KDM6B: variants seen among roughly 807,000 people sequenced by gnomAD.
KDM6B encodes the protein lysine demethylase 6B.
KDM6B carries 22 observed loss-of-function variants against 150.4 expected under a neutral mutation model. The ratio of observed to expected loss-of-function variants is 0.15; its 90% confidence interval spans 0.10 to 0.21. The LOEUF (loss-of-function observed/expected upper bound fraction) is 0.21. Ranked by LOEUF, KDM6B falls within the 10% of genes least tolerant of loss-of-function variation. The probability of loss-of-function intolerance (pLI) is 1.00; values close to 1 mark genes in which losing one functional copy is unlikely to be tolerated. For missense variants in KDM6B, 1,984 were observed against 2,234.3 expected (o/e 0.89, Z 2.26); for synonymous variants, 1,148 against 921.1 (o/e 1.25, Z -4.46).
chr17:7,849,050 G>T lies in KDM6B; in HGVS notation c.2762G>T (p.Cys921Phe), dbSNP rs915864276. The T allele has an allele frequency of 3.1e-6, 5 of 1,610,280 alleles. No individual in the cohort carries two copies. The African/African-American group carries it at 6.7e-5, about 22-fold the overall frequency. Residue 921 changes from cysteine (C) to phenylalanine (F), a missense_variant, in exon 12 of 24, where the codon TGC (cysteine) becomes TTC (phenylalanine). Cys to Phe is a radical substitution (Grantham distance 205). Coordinates refer to ENST00000448097, the MANE Select transcript of KDM6B (RefSeq NM_001348716.2). ...SEVLEEISRA[C>F]ETLVERVGRS... Reference sequence around the variant, plus strand: ...GTGCTAGAAGAGATCAGCCGGGCTTGCGAGACCCTTGTGGAGCGGGTGGGC... The same window carrying T: ...GTGCTAGAAGAGATCAGCCGGGCTTTCGAGACCCTTGTGGAGCGGGTGGGC...
intron 1 of KDM6B, among the ~76,000 whole-genome samples, chr17:7,838,847 C>T (rs1300440168): frequency 6.6e-6 from 1 of 152,106 alleles, no homozygotes; most frequent in Non-Finnish European, 1.5e-5. Flanking sequence ...CTACCACCTA[C>T]AGCTGACCAC....
chr17:7,852,523 A>T lies in KDM6B; in HGVS notation c.4497A>T (p.Arg1499=), dbSNP rs769586492. 1.9e-6 allele frequency: 3 copies of T among 1,614,164 alleles called. No homozygotes were observed. The South Asian group carries it at 3.3e-5, about 18-fold the overall frequency. The change falls in exon 21 of 24, where the codon CGA becomes CGT. Residue 1499 remains arginine (R), a synonymous_variant. Transcript: ENST00000448097. ...ATCAGTACCAGCTGGCCCTGGAACG[A>T]TACGAGTGGAATGAGGTGAAGAACG... ...TAYQYQLALE[R]YEWNEVKNVK... is the part of the protein sequence containing the mutation.
intron 18 of KDM6B, 55 bp downstream of exon 18, chr17:7,851,851 GGCGGCGCTCA>G: frequency 6.4e-7 from 1 of 1,566,674 alleles, no homozygotes; most frequent in Non-Finnish European, 8.6e-7. Flanking sequence ...AGGGGCTGGC[GGCGGCGCTCA>G]GCCGTCAGCC....
At chr17:7,851,902 T>TC in intron 18 of KDM6B, 49 bp from the exon 19 acceptor site, 1 of 1,605,444 alleles carries the variant, frequency 6.2e-7, no homozygotes. Context: ...CTATCGGGGA[T>TC]CGCAGTTCCG....
chr17:7,847,479 G>A, intron 11 of KDM6B, 27 bp downstream of exon 11: 2 of 1,613,522 alleles, frequency 1.2e-6, no homozygotes, highest in Non-Finnish European at 1.7e-6. Flanking sequence ...GGTGGAGGGG[G>A]GGATGGGTGG....
At position 7,846,463 on chromosome 17, in the gene KDM6B, G is replaced by A. The variant is rs768365836; in HGVS notation, c.520G>A (p.Glu174Lys). Residue 174 changes from glutamate to lysine, a missense_variant, in exon 8 of 24, where the codon GAG becomes AAG. By Grantham distance (56) the Glu-to-Lys change is moderately conservative. Coordinates refer to ENST00000448097, the MANE Select transcript of KDM6B (RefSeq NM_001348716.2). ...QHRAKVLPPL[E>K]QVWNLLHLEH... The stretch of plus-strand genomic sequence containing the variant: ...CCGAGCCAAGGTCCTGCCCCCACTG[G>A]AGCAAGTGTGGAACTTGCTACACCT... 6.2e-7 allele frequency: 1 copy of A among 1,608,586 alleles called. No homozygotes were observed. The highest frequency in any genetic ancestry group is 1.1e-5 in the South Asian group (1 of 90,862).
rs762676061 is a variant in KDM6B at position 7,851,339 on chromosome 17, G to A, written c.3889G>A (p.Glu1297Lys). ...CCCTCTGGCTGAACAGGAGGAGAAG[G>A]AGAGTGAGGATGAGGAGTCAGAGGA... Reference protein sequence around the residue: ...SFQESLQEEKESEDEESEEPD... With the variant: ...SFQESLQEEKKSEDEESEEPD... The change falls in exon 16 of 24, where the codon GAG becomes AAG. Residue 1297 changes from glutamate (E) to lysine (K), a missense_variant. By Grantham distance (56) the Glu-to-Lys change is moderately conservative. Coordinates refer to ENST00000448097, the MANE Select transcript of KDM6B (RefSeq NM_001348716.2). 1.1e-5 allele frequency: 18 copies of A among 1,614,132 alleles called. No homozygotes were observed. Among genetic ancestry groups the A allele is most frequent in the Non-Finnish European group, 1.4e-5 (17 of 1,180,024 alleles).
chr17:7,846,031 C>A, intron 6 of KDM6B, 47 bp from the exon 7 acceptor site: 1 of 1,583,494 alleles, frequency 6.3e-7, no homozygotes, highest in South Asian at 1.1e-5. Context: ...GAAAGAGTCC[C>A]CTCAAGCCCA....
Position 7,848,565 on chromosome 17 carries a change from C to G in KDM6B, c.2277C>G (p.Thr759=). 1 of 1,607,302 alleles carries G rather than the reference C, an allele frequency of 6.2e-7. No individual in the cohort carries two copies. The highest frequency in any genetic ancestry group is 8.5e-7 in the Non-Finnish European group (1 of 1,177,626). The change falls in exon 12 of 24, where the codon ACC becomes ACG. Residue 759 remains threonine (T), a synonymous_variant. Transcript: ENST00000448097. ...VAVTTTTTTT[T]TTTATQEEEK... ...TCACCACCACCACCACCACCACCAC[C>G]ACCACCACGGCCACCCAGGAAGAGG...
In KDM6B at chr17:7,849,011, G is replaced by T; in HGVS notation, c.2723G>T (p.Arg908Leu). 1 of 1,538,534 alleles carries T rather than the reference G, an allele frequency of 6.5e-7. No homozygotes were observed. The highest frequency in any genetic ancestry group is 8.9e-7 in the Non-Finnish European group (1 of 1,129,608). ...PPPPLSLPPA[R>L]SESEVLEEIS... ...CCACCCCTATCTCTGCCCCCTGCTC[G>T]CTCTGAGTCTGAGGTGCTAGAAGAG... Residue 908 changes from arginine to leucine, a missense_variant, in exon 12 of 24, where the codon CGC becomes CTC. This residue lies in a region of KDM6B where 1,379 missense variants were observed against 1,275.6 expected (regional missense o/e 1.08). Coordinates refer to ENST00000448097, the MANE Select transcript of KDM6B (RefSeq NM_001348716.2).
At position 7,834,237 on chromosome 17, in the gene KDM6B, C is replaced by T. The variant is rs1338577912; in HGVS notation, c.-501C>T. Among the ~76,000 whole-genome samples the T allele has an allele frequency of 6.6e-6, 1 of 151,228 alleles. No individual in the cohort carries two copies. Among genetic ancestry groups the T allele is most frequent in the Non-Finnish European group, 1.5e-5 (1 of 67,718 alleles). On this transcript the variant is annotated 5_prime_UTR_variant, in exon 1 of 24. Coordinates refer to ENST00000448097, the MANE Select transcript of KDM6B (RefSeq NM_001348716.2). ...CGGGTGTTTGTGTTGGAAAATCCAA[C>T]TGCGCCACTGGGCGGAGCGGCCCCC... is the stretch of plus-strand genomic sequence containing the variant.
In KDM6B at chr17:7,847,695, TCCA is replaced by T; in HGVS notation, c.1410_1412del (p.Pro472del). On this transcript the variant is annotated inframe_deletion, in exon 12 of 24. Transcript: ENST00000448097. The stretch of plus-strand genomic sequence containing the variant: ...TGCCACCTGGACCTTCCTCACCCCC[TCCA>T]CCCCCCTGTCCCCGCCTCTTACGCC... 1 of 866,790 alleles carries T rather than the reference TCCA, an allele frequency of 1.2e-6. No individual in the cohort carries two copies. The highest frequency in any genetic ancestry group is 2.2e-5 in the South Asian group (1 of 44,838). The allele number at this position is 866,790 out of a possible 1,614,324, so 53.7% of individuals were successfully genotyped here. A position where few individuals can be genotyped will look rare whatever the true frequency, so the allele number is the denominator to read the frequency against.
At position 7,848,863 on chromosome 17, in the gene KDM6B, G is replaced by T. The variant is rs1483919558; in HGVS notation, c.2575G>T (p.Gly859Cys). The T allele has an allele frequency of 6.2e-7, 1 of 1,610,988 alleles. No individual in the cohort carries two copies. Among genetic ancestry groups the T allele is most frequent in the Non-Finnish European group, 8.5e-7 (1 of 1,178,946 alleles). Reference protein sequence around the residue: ...PPTSAAPSAQGSPQPSASSSS... With the variant: ...PPTSAAPSAQCSPQPSASSSS... ...CACCTCAGCGGCCCCTAGCGCCCAG[G>T]GCTCCCCACAGCCCTCTGCTTCCTC... Residue 859 changes from glycine to cysteine, a missense_variant, in exon 12 of 24, where the codon GGC becomes TGC. Gly to Cys is a radical substitution (Grantham distance 159). Around this residue, in one of 13 missense-constraint regions of KDM6B, gnomAD observed 1,379 missense variants for 1,275.6 expected, o/e 1.08. Coordinates refer to ENST00000448097, the MANE Select transcript of KDM6B (RefSeq NM_001348716.2).
Position 7,848,418 on chromosome 17 carries a change from G to A in KDM6B, c.2130G>A (p.Glu710=), listed in dbSNP as rs1221522239. Residue 710 remains glutamate, a synonymous_variant, in exon 12 of 24, where the codon GAG becomes GAA. Transcript: ENST00000448097. ...KMLDESIRKE[E]EQQQHEAGVA... is the part of the protein sequence containing the mutation. ...TGGACGAATCCATTCGCAAGGAAGA[G>A]GAACAGCAACAACACGAAGCAGGCG... 2 of 1,613,090 alleles carry A rather than the reference G, an allele frequency of 1.2e-6. No individual in the cohort carries two copies. Among genetic ancestry groups the A allele is most frequent in the East Asian group, 2.2e-5 (1 of 44,874 alleles).
chr17:7,845,355 G>A lies in KDM6B; in HGVS notation c.-107G>A, dbSNP rs1358287860. The stretch of plus-strand genomic sequence containing the variant: ...ACTGAGGCAGCCATCTGGGGGTAGC[G>A]GGCACTCTTATCAGAGCGGCTGGAG... On this transcript the variant is annotated 5_prime_UTR_variant, in exon 4 of 24. Coordinates refer to ENST00000448097, the MANE Select transcript of KDM6B (RefSeq NM_001348716.2). 8 of 679,330 alleles carry A rather than the reference G, an allele frequency of 1.2e-5. No homozygotes were observed. The highest frequency in any genetic ancestry group is 3.3e-5 in the South Asian group (2 of 60,816). 42.1% of individuals were successfully genotyped at this position (679,330 alleles called of 1,614,324 possible).
rs2078512203 is a variant in KDM6B at position 7,845,468 on chromosome 17, T to C, written c.-6+12T>C. On this transcript the variant is annotated intron_variant, in intron 4 of 23. Coordinates refer to ENST00000448097, the MANE Select transcript of KDM6B (RefSeq NM_001348716.2). ...CCACTGCTGACCTGGTAAGGGAAAC[T>C]CTGGGGCCGAGCTGGCTGGATGTAC... 1 of 1,567,194 alleles carries C rather than the reference T, an allele frequency of 6.4e-7. No individual in the cohort carries two copies. Among genetic ancestry groups the C allele is most frequent in the African/African-American group, 1.4e-5 (1 of 73,880 alleles).
rs2078708736 is a variant in KDM6B at position 7,852,083 on chromosome 17, C to T, written c.4280+18C>T. On this transcript the variant is annotated intron_variant, in intron 19 of 23. Coordinates refer to ENST00000448097, the MANE Select transcript of KDM6B (RefSeq NM_001348716.2). ...TGTGATCGGTGCGTGCCGTCCTGCG[C>T]AAGTCAGACTGCCGCGTCCCCGCCC... The T allele has an allele frequency of 2.5e-6, 4 of 1,613,446 alleles. No homozygotes were observed. The highest frequency in any genetic ancestry group is 3.4e-6 in the Non-Finnish European group (4 of 1,179,622).
chr17:7,849,546 G>A lies in KDM6B; in HGVS notation c.3258G>A (p.Arg1086=). 2.5e-6 allele frequency: 4 copies of A among 1,612,838 alleles called. No individual in the cohort carries two copies. The highest frequency in any genetic ancestry group is 3.4e-6 in the Non-Finnish European group (4 of 1,179,972). Residue 1086 remains arginine, a synonymous_variant, in exon 12 of 24, where the codon CGG becomes CGA. Transcript: ENST00000448097. The part of the protein sequence containing the change: ...EEAPGPPGVS[R]ADMLKLRSLS... ...CCCCAGGGCCACCGGGTGTCAGCCG[G>A]GCCGACATGCTGAAGCTGCGCTCAC...
chr17:7,839,025 TA>T (rs1042066737), intron 1 of KDM6B, among the ~76,000 whole-genome samples: 15 of 152,026 alleles, frequency 9.9e-5, no homozygotes, highest in African/African-American at 3.4e-4. Flanking sequence ...GGCTAGGGAA[TA>T]TAGAGATTAG....
Sources: gnomAD v4.1 joint callset for allele counts (sites outside exome capture counted in the v4.1 genomes callset) on GRCh38, gnomAD v4.1.1 for gene constraint, gnomAD v4.1.1 regional missense constraint, MANE v1.5 for transcripts, NCBI Gene and HGNC (gene_info 2026-07-23, HGNC 2026-07-21) for gene names.